Variants in OR1J2 observed in about 807,000 individuals in gnomAD.
OR1J2 encodes the protein olfactory receptor family 1 subfamily J member 2, also known as olfactory receptor 1J2.
For missense variants in OR1J2, 304 were observed against 246.1 expected (o/e 1.24, Z -1.57); for synonymous variants, 142 against 99.7 (o/e 1.42, Z -2.52).
the OR1J2 span, among the ~76,000 whole-genome samples, chr9:122,479,096 G>T: frequency 6.6e-6 from 1 of 152,278 alleles, no homozygotes; most frequent in African/African-American, 2.4e-5. Context: ...GAATATCAAT[G>T]TGTAGCGCGA....
At chr9:122,505,432 G>A in the OR1J2 span, among the ~76,000 whole-genome samples, 2 of 152,202 alleles carry the variant, frequency 1.3e-5, no homozygotes, top group African/African-American at 4.8e-5. Flanking sequence ...ATTAATCTAT[G>A]AATGGATAAA....
At chr9:122,570,271 G>A in the OR1J2 span, among the ~76,000 whole-genome samples, 1 of 151,794 alleles carries the variant, frequency 6.6e-6, no homozygotes, top group Non-Finnish European at 1.5e-5. Flanking sequence ...TTCCACAATG[G>A]TTGAACTAGT....
the OR1J2 span, among the ~76,000 whole-genome samples, chr9:122,463,313 AT>A: frequency 6.6e-6 from 1 of 151,934 alleles, no homozygotes; most frequent in South Asian, 2.1e-4. Context: ...TTCACTAGAG[AT>A]TTTTCCATTC....
At chr9:122,559,979 T>C in the OR1J2 span, among the ~76,000 whole-genome samples, 2 of 152,196 alleles carry the variant, frequency 1.3e-5, no homozygotes, top group Non-Finnish European at 2.9e-5. Context: ...TCTTTGTAGG[T>C]CTCTAAGAAC....
chr9:122,510,915 G>A lies in OR1J2; in HGVS notation c.114G>A (p.Thr38=), dbSNP rs151331246. ...TGTTCCTGGGCATGTACCTGACCAC[G>A]GTGCTGGGGAACCTGCTCATCATGC... ...FTLFLGMYLT[T]VLGNLLIMLL... is the part of the protein sequence containing the mutation. The change falls in exon 1 of 1, where the codon ACG becomes ACA. Residue 38 remains threonine, a synonymous_variant. Transcript: ENST00000335302. 3.6e-4 allele frequency: 580 copies of A among 1,612,316 alleles called. No individual in the cohort carries two copies. The highest frequency in any genetic ancestry group is 6.0e-4 in the Admixed American group (36 of 59,996).
chr9:122,470,834 G>T, the OR1J2 span, among the ~76,000 whole-genome samples: 1,305 of 152,328 alleles, frequency 8.6e-3, 30 homozygotes, highest in African/African-American at 0.03. Flanking sequence ...GCAGCTTTAA[G>T]ATTTGACTGC....
At chr9:122,523,603 T>C in the OR1J2 span, among the ~76,000 whole-genome samples, 1 of 152,108 alleles carries the variant, frequency 6.6e-6, no homozygotes, top group South Asian at 2.1e-4. Context: ...AAGAGAATAC[T>C]CTTGAAGGTA....
At chr9:122,457,023 A>G in the OR1J2 span, among the ~76,000 whole-genome samples, 1 of 152,234 alleles carries the variant, frequency 6.6e-6, no homozygotes, top group Non-Finnish European at 1.5e-5. Flanking sequence ...AGTATACACC[A>G]TGAAATACTA....
At chr9:122,569,438 T>C in the OR1J2 span, among the ~76,000 whole-genome samples, 5 of 152,244 alleles carry the variant, frequency 3.3e-5, no homozygotes, top group Admixed American at 2.0e-4. Context: ...CTTGCTACTA[T>C]AAAAAAACTC....
the OR1J2 span, among the ~76,000 whole-genome samples, chr9:122,502,532 C>A: frequency 6.6e-6 from 1 of 152,170 alleles, no homozygotes; most frequent in Non-Finnish European, 1.5e-5. Flanking sequence ...ATGGTTGCTG[C>A]AAGAGCAGCC....
At chr9:122,450,156 A>T in the OR1J2 span, among the ~76,000 whole-genome samples, 1 of 152,188 alleles carries the variant, frequency 6.6e-6, no homozygotes, top group African/African-American at 2.4e-5. Context: ...TTGGCCGTGC[A>T]TGGTGGCTCA....
the OR1J2 span, among the ~76,000 whole-genome samples, chr9:122,452,071 G>T: frequency 2.0e-5 from 3 of 152,056 alleles, no homozygotes; most frequent in Admixed American, 1.3e-4. Flanking sequence ...GTAGAGACAG[G>T]GTTTCACCGT....
the OR1J2 span, among the ~76,000 whole-genome samples, chr9:122,505,437 G>A: frequency 3.3e-5 from 5 of 152,178 alleles, no homozygotes; most frequent in Admixed American, 1.3e-4. Context: ...TCTATGAATG[G>A]ATAAATCCAT....
the OR1J2 span, among the ~76,000 whole-genome samples, chr9:122,472,825 T>A: frequency 6.6e-6 from 1 of 152,176 alleles, no homozygotes; most frequent in Admixed American, 6.5e-5. Context: ...AACCAACCTT[T>A]GTGCTGCCAA....
chr9:122,467,506 A>C, the OR1J2 span, among the ~76,000 whole-genome samples: 1 of 152,204 alleles, frequency 6.6e-6, no homozygotes, highest in African/African-American at 2.4e-5. Context: ...AAACAAAAAT[A>C]ATGTCACTCA....
chr9:122,567,062 AAAAT>A, the OR1J2 span: 8 of 152,428 alleles, frequency 5.2e-5, no homozygotes, highest in East Asian at 1.5e-3. Flanking sequence ...TAGAAGGAGA[AAAAT>A]AAAAAATTAT....
chr9:122,520,059 A>G, the OR1J2 span: 5 of 1,612,966 alleles, frequency 3.1e-6, no homozygotes, highest in Admixed American at 3.3e-5. Context: ...ACTCTTCAAC[A>G]GGGCAACAGT....
chr9:122,498,350 T>C, the OR1J2 span, among the ~76,000 whole-genome samples: 1 of 152,176 alleles, frequency 6.6e-6, no homozygotes, highest in Non-Finnish European at 1.5e-5. Context: ...TTTTTCTTCA[T>C]TTTTATTAGA....
chr9:122,518,544 A>C, the OR1J2 span, among the ~76,000 whole-genome samples: 1 of 152,212 alleles, frequency 6.6e-6, no homozygotes. Context: ...TCATGACCTA[A>C]TTACCTCCTG....
Sources: allele counts gnomAD v4.1 joint callset (sites outside exome capture counted in the v4.1 genomes callset), GRCh38; gene constraint gnomAD v4.1.1; transcripts MANE v1.5; gene names NCBI Gene and HGNC (gene_info 2026-07-23, HGNC 2026-07-21).